Variants in PALD1 observed in about 807,000 individuals in gnomAD.
PALD1 encodes the protein phosphatase domain containing paladin 1.
PALD1 carries 57 observed loss-of-function variants against 96.0 expected under a neutral mutation model. The observed-to-expected ratio is 0.59, with a 90% CI of 0.48 to 0.74. The LOEUF is 0.74. Ranked by LOEUF, PALD1 falls within the 30% of genes least tolerant of loss-of-function variation. The pLI is 0.00. For missense variants in PALD1, 1,063 were observed against 1,143.7 expected (o/e 0.93, Z 1.02); for synonymous variants, 464 against 473.6 (o/e 0.98, Z 0.26).
chr10:70,540,055 G>T lies in PALD1; in HGVS notation c.1908+293G>T, dbSNP rs536567909. ...CGTATGTGCATATGTGTTATAAGATGTGTGTACATGTGTTTATTATGTTGT... is the reference window on the plus strand; with the variant it reads ...CGTATGTGCATATGTGTTATAAGATTTGTGTACATGTGTTTATTATGTTGT... On this transcript the variant is annotated intron_variant, in intron 15 of 19. Coordinates refer to ENST00000263563, the MANE Select transcript of PALD1 (RefSeq NM_014431.3). This position sits in a 1 kb window ranked among gnomAD's most constrained non-coding sequence, Gnocchi z 4.2. Among the ~76,000 whole-genome samples, 1 of 152,146 alleles carries T rather than the reference G, an allele frequency of 6.6e-6. No homozygotes were observed. The highest frequency in any genetic ancestry group is 6.5e-5 in the Admixed American group (1 of 15,286).
At chr10:70,478,388 C>G (rs1845862859), upstream of PALD1, among the ~76,000 whole-genome samples, 2 of 152,184 alleles carry the variant, frequency 1.3e-5, no homozygotes, top group Non-Finnish European at 2.9e-5. Context: ...GCGAGGGAAG[C>G]CGGGCCAGCG....
chr10:70,530,041 C>G lies in PALD1; in HGVS notation c.441C>G (p.Leu147=). ...GCCTCTCAGGGTTCAGGCGGGTCCT[C>G]CAGAAACTCCAGAAGGACGGACATA... is the stretch of plus-strand genomic sequence containing the variant. ...QPSLSGFRRV[L]QKLQKDGHRE... Residue 147 remains leucine (L), a synonymous_variant, in exon 4 of 20, where the codon CTC becomes CTG. Transcript: ENST00000263563. 2 of 1,540,056 alleles carry G rather than the reference C, an allele frequency of 1.3e-6. No individual in the cohort carries two copies. The highest frequency in any genetic ancestry group is 2.4e-5 in the East Asian group (1 of 41,266).
chr10:70,549,046 CAAAAAAA>C (rs71472976), intron 18 of PALD1, among the ~76,000 whole-genome samples: 2 of 74,692 alleles, frequency 2.7e-5, no homozygotes, highest in Admixed American at 1.7e-4. Context: ...TTGTCTCTAC[CAAAAAAA>C]AAAAAAAAAA....
the PALD1 span, among the ~76,000 whole-genome samples, chr10:70,467,562 G>A: frequency 2.0e-5 from 3 of 152,206 alleles, no homozygotes; most frequent in East Asian, 1.9e-4. Context: ...CTGAAGGAGT[G>A]AGATCCCCGT....
intron 1 of PALD1, among the ~76,000 whole-genome samples, chr10:70,507,250 A>C (rs1323533455): frequency 1.3e-5 from 2 of 150,878 alleles, no homozygotes; most frequent in Non-Finnish European, 1.5e-5. Context: ...AAAAATACAA[A>C]AAAAAAAAAA....
chr10:70,480,274 C>G (rs982224225), intron 1 of PALD1, among the ~76,000 whole-genome samples: 13 of 152,208 alleles, frequency 8.5e-5, no homozygotes, highest in Non-Finnish European at 1.9e-4. Context: ...ACAGGACACT[C>G]CTAGTTGCCC....
chr10:70,461,893 A>T, the PALD1 span, among the ~76,000 whole-genome samples: 1 of 152,186 alleles, frequency 6.6e-6, no homozygotes, highest in African/African-American at 2.4e-5. Context: ...CCCTGGCTCA[A>T]GCCATCCTCC....
At chr10:70,546,994 C>T (rs1022304306) in intron 17 of PALD1, among the ~76,000 whole-genome samples, 1 of 152,192 alleles carries the variant, frequency 6.6e-6, no homozygotes, top group Non-Finnish European at 1.5e-5. Context: ...AATGGAATAA[C>T]TAAAAAGGAA....
At chr10:70,461,761 TACGAC>T in the PALD1 span, among the ~76,000 whole-genome samples, 1 of 152,192 alleles carries the variant, frequency 6.6e-6, no homozygotes, top group Non-Finnish European at 1.5e-5. Flanking sequence ...TTTTGAGATT[TACGAC>T]TTGGCATTGT....
intron 1 of PALD1, among the ~76,000 whole-genome samples, chr10:70,502,309 A>G (rs537088427): frequency 6.6e-6 from 1 of 152,200 alleles, no homozygotes; most frequent in Non-Finnish European, 1.5e-5. Context: ...CCTGTTAAGG[A>G]TGTTCATCTG....
In PALD1 at chr10:70,540,418, A is replaced by ATG. The variant is rs1358736424; in HGVS notation, c.1908+667_1908+668dup. 2.7e-5 allele frequency among the ~76,000 whole-genome samples: 4 copies of ATG among 150,840 alleles called. No homozygotes were observed. The highest frequency in any genetic ancestry group is 3.9e-4 in the East Asian group (2 of 5,102). On this transcript the variant is annotated intron_variant, in intron 15 of 19. Coordinates refer to ENST00000263563, the MANE Select transcript of PALD1 (RefSeq NM_014431.3). The surrounding 1 kb of genome is among the most constrained non-coding windows in gnomAD (Gnocchi z 4.2). ...AGGGTTTGTGGAGGGGTCGTTAGGA[A>ATG]TGTGTGTGTGTGGCATCTGTAGGTC...
At chr10:70,548,555 G>A (rs1446045510) in intron 18 of PALD1, among the ~76,000 whole-genome samples, 6 of 152,166 alleles carry the variant, frequency 3.9e-5, no homozygotes, top group Non-Finnish European at 4.4e-5. Context: ...AACAGAGGCC[G>A]GTGCTGAGTG....
chr10:70,488,323 G>A (rs954096165), intron 1 of PALD1, among the ~76,000 whole-genome samples: 1 of 152,114 alleles, frequency 6.6e-6, no homozygotes, highest in Non-Finnish European at 1.5e-5. Flanking sequence ...GTTTTGCCCT[G>A]TTGCCCAGGC....
At position 70,566,992 on chromosome 10, in the gene PALD1, T is replaced by C. The variant is rs1847869172; in HGVS notation, c.*259T>C. ...AGCACTCACTGGAGTGCTCACAAGGTGCACACTGCTGTGTGTACCTTGCAG... is the reference window on the plus strand; with the variant it reads ...AGCACTCACTGGAGTGCTCACAAGGCGCACACTGCTGTGTGTACCTTGCAG... On this transcript the variant is annotated 3_prime_UTR_variant, in exon 20 of 20. Coordinates refer to ENST00000263563, the MANE Select transcript of PALD1 (RefSeq NM_014431.3). The C allele has an allele frequency of 6.2e-6, 3 of 482,238 alleles. No homozygotes were observed. Among genetic ancestry groups the C allele is most frequent in the Non-Finnish European group, 1.1e-5 (3 of 272,334 alleles). The allele number at this position is 482,238 out of a possible 1,614,324, so 29.9% of individuals were successfully genotyped here. A position where few individuals can be genotyped will look rare whatever the true frequency, so the allele number is the denominator to read the frequency against.
rs1034797417 is a variant in PALD1 at position 70,547,451 on chromosome 10, G to GCCCCCCCCCCCCCCCCCCCCCCCCC, written c.2262+10_2262+11insCCCCCCCCCCCCCCCCCCCCCCCCC. On this transcript the variant is annotated splice_donor_region_variant and intron_variant, in intron 18 of 19. Coordinates refer to ENST00000263563, the MANE Select transcript of PALD1 (RefSeq NM_014431.3). Reference sequence around the variant, plus strand: ...ATCATCTGCACCTACCGCCAGGTGAGCCCCCACCCCACCCCACCCCACCCT... The same window carrying GCCCCCCCCCCCCCCCCCCCCCCCCC: ...ATCATCTGCACCTACCGCCAGGTGAGCCCCCCCCCCCCCCCCCCCCCCCCCCCCCCACCCCACCCCACCCCACCCT... 3 of 1,585,838 alleles carry GCCCCCCCCCCCCCCCCCCCCCCCCC rather than the reference G, an allele frequency of 1.9e-6. No homozygotes were observed. Among genetic ancestry groups the GCCCCCCCCCCCCCCCCCCCCCCCCC allele is most frequent in the South Asian group, 1.1e-5 (1 of 88,736 alleles).
chr10:70,536,142 C>T (rs1260120205), intron 10 of PALD1, among the ~76,000 whole-genome samples: 4 of 152,142 alleles, frequency 2.6e-5, no homozygotes, highest in Admixed American at 6.5e-5. Context: ...TGGTGGCACG[C>T]GTAGTACCAA....
chr10:70,532,891 T>C (rs368529278), intron 6 of PALD1, 104 bp from the exon 7 acceptor site: 2 of 1,502,186 alleles, frequency 1.3e-6, no homozygotes, highest in East Asian at 4.6e-5. Context: ...CACACCCATG[T>C]CTCCCACAGT....
At chr10:70,516,518 C>A (rs770328622) in intron 1 of PALD1, among the ~76,000 whole-genome samples, 17 of 152,206 alleles carry the variant, frequency 1.1e-4, no homozygotes, top group Non-Finnish European at 2.2e-4. Context: ...AAAAGATTAT[C>A]ATTTTGAGAT....
chr10:70,547,151 T>C (rs1366096094), intron 17 of PALD1, among the ~76,000 whole-genome samples, 155 bp from the exon 18 acceptor site: 1 of 152,178 alleles, frequency 6.6e-6, no homozygotes, highest in Non-Finnish European at 1.5e-5. Context: ...CCCCCTGTCC[T>C]CCCTCAGTCT....
Sources: allele counts gnomAD v4.1 joint callset (sites outside exome capture counted in the v4.1 genomes callset), GRCh38; gene constraint gnomAD v4.1.1; non-coding constraint Gnocchi (gnomAD v3.1); transcripts MANE v1.5; gene names NCBI Gene and HGNC (gene_info 2026-07-23, HGNC 2026-07-21).